Variants in SVIL observed in about 807,000 individuals in gnomAD.
SVIL encodes the protein supervillin, also known as archvillin.
In SVIL, 101 loss-of-function variants were observed where a neutral mutation model predicts 240.4. The ratio of observed to expected loss-of-function variants is 0.42; its 90% confidence interval spans 0.36 to 0.50. SVIL has a LOEUF of 0.50. Ranked by LOEUF, SVIL falls within the 20% of genes least tolerant of loss-of-function variation. The probability of loss-of-function intolerance (pLI) is 0.01; values close to 1 mark genes in which losing one functional copy is unlikely to be tolerated. For missense variants in SVIL, 2,512 were observed against 2,818.7 expected (o/e 0.89, Z 2.46); for synonymous variants, 999 against 1,100.0 (o/e 0.91, Z 1.82).
At chr10:29,617,189 T>C (rs563582598) in intron 1 of SVIL, among the ~76,000 whole-genome samples, 2 of 152,342 alleles carry the variant, frequency 1.3e-5, no homozygotes, top group East Asian at 3.9e-4. Flanking sequence ...GAAAGGTATA[T>C]AAGCTCCCAA....
intron 3 of SVIL, among the ~76,000 whole-genome samples, chr10:29,643,643 C>T (rs1433212541): frequency 3.9e-5 from 6 of 152,156 alleles, no homozygotes; most frequent in African/African-American, 2.4e-5. Flanking sequence ...CCACCCCTGC[C>T]GGAAATCTGA....
intron 1 of SVIL, among the ~76,000 whole-genome samples, chr10:29,596,917 C>G (rs1296465157): frequency 6.6e-6 from 1 of 152,234 alleles, no homozygotes; most frequent in Non-Finnish European, 1.5e-5. Context: ...TAAGTGTATG[C>G]TGTCTCCATT....
At chr10:29,707,397 A>G (rs1962966320) in intron 1 of SVIL, among the ~76,000 whole-genome samples, 2 of 152,134 alleles carry the variant, frequency 1.3e-5, no homozygotes, top group Admixed American at 6.6e-5. Flanking sequence ...TTGTCTTTGT[A>G]GCAATTGTGA....
intron 6 of SVIL, among the ~76,000 whole-genome samples, chr10:29,545,476 G>C (rs1295001752): frequency 1.3e-5 from 2 of 152,162 alleles, no homozygotes; most frequent in African/African-American, 4.8e-5. Flanking sequence ...ATTTGCTAAA[G>C]AGAAAAGAGT....
At chr10:29,526,923 T>C (rs1289531437) in intron 13 of SVIL, 38 bp downstream of exon 13, 3 of 1,478,044 alleles carry the variant, frequency 2.0e-6, no homozygotes, top group Non-Finnish European at 2.7e-6. Flanking sequence ...TCGGCACCTT[T>C]GCACCGGGTG....
upstream of SVIL, among the ~76,000 whole-genome samples, chr10:29,638,459 T>C (rs1463339585): frequency 2.7e-5 from 4 of 150,552 alleles, no homozygotes; most frequent in Non-Finnish European, 5.9e-5. Context: ...AGGGTGAAAC[T>C]CTGTCTCAAA....
At chr10:29,723,059 A>C (rs1343166) in intron 1 of SVIL, among the ~76,000 whole-genome samples, 1 of 152,234 alleles carries the variant, frequency 6.6e-6, no homozygotes, top group African/African-American at 2.4e-5. Flanking sequence ...ACTGCCCTGT[A>C]CATAAAAGTC....
intron 6 of SVIL, among the ~76,000 whole-genome samples, chr10:29,539,062 G>A (rs1951946042): frequency 6.6e-6 from 1 of 152,100 alleles, no homozygotes; most frequent in South Asian, 2.1e-4. Flanking sequence ...CTACTCAGGA[G>A]GCTGAGGCAG....
intron 16 of SVIL, among the ~76,000 whole-genome samples, chr10:29,516,056 C>A (rs1316026038): frequency 1.3e-5 from 2 of 152,204 alleles, no homozygotes; most frequent in Non-Finnish European, 2.9e-5. Flanking sequence ...CTGCAGCCCT[C>A]GCCTGCCTGT....
At chr10:29,611,700 G>C (rs1277434751) in intron 1 of SVIL, among the ~76,000 whole-genome samples, 1 of 152,186 alleles carries the variant, frequency 6.6e-6, no homozygotes, top group African/African-American at 2.4e-5. Context: ...CAGCTCTGCA[G>C]AATCGTGCAG....
intron 16 of SVIL, among the ~76,000 whole-genome samples, chr10:29,517,606 G>A (rs1336816419): frequency 1.3e-5 from 2 of 152,186 alleles, no homozygotes; most frequent in African/African-American, 2.4e-5. Flanking sequence ...GTGGGATACC[G>A]AAGGGTGGAT....
intron 32 of SVIL, among the ~76,000 whole-genome samples, chr10:29,468,422 G>A (rs1023656213): frequency 2.7e-5 from 4 of 150,600 alleles, no homozygotes; most frequent in Non-Finnish European, 5.9e-5. Flanking sequence ...GAACCTTCAT[G>A]TACAAGTGTT....
chr10:29,615,024 A>G (rs1433421342), intron 1 of SVIL, among the ~76,000 whole-genome samples: 1 of 152,202 alleles, frequency 6.6e-6, no homozygotes, highest in East Asian at 1.9e-4. Flanking sequence ...GCAGAAGTTA[A>G]GTTATCCCCC....
Position 29,533,216 on chromosome 10 carries a change from G to A in SVIL, c.1151C>T (p.Thr384Ile), listed in dbSNP as rs751585667. Residue 384 changes from threonine to isoleucine, a missense_variant, in exon 8 of 38, where the codon ACC becomes ATC. Physicochemically the swap from Thr to Ile is moderately conservative, Grantham distance 89. This residue lies in a region of SVIL where 1,443 missense variants were observed against 1,486.6 expected (regional missense o/e 0.97). Coordinates refer to ENST00000355867, the MANE Select transcript of SVIL (RefSeq NM_021738.3). ...GCTACACTCAGATGCATTTTCTGGG[G>A]TTTCTGGCGTCACTAGCTTGGCGGT... ...GHTAKLVTPE[T>I]PENASECSWV... The A allele has an allele frequency of 1.9e-6, 3 of 1,614,138 alleles. No homozygotes were observed. Among genetic ancestry groups the A allele is most frequent in the Non-Finnish European group, 8.5e-7 (1 of 1,180,024 alleles).
chr10:29,529,784 C>G lies in SVIL; in HGVS notation c.2167G>C (p.Val723Leu), dbSNP rs1484302393. The G allele has an allele frequency of 1.9e-6, 3 of 1,613,792 alleles. No individual in the cohort carries two copies. In the Admixed American group the frequency reaches 5.0e-5, roughly 27 times the overall value. ...TGCAGACGGCGTAGCCTCTGCTCCA[C>G]AGCTGTGTTTCTTGAGCGTCGCTTT... ...VPKRRSRNTA[V>L]EQRLRRLQDR... Residue 723 changes from valine to leucine, a missense_variant, in exon 12 of 38, where the codon GTG (valine) becomes CTG (leucine). Val to Leu is a conservative substitution (Grantham distance 32). Coordinates refer to ENST00000355867, the MANE Select transcript of SVIL (RefSeq NM_021738.3).
intron 1 of SVIL, among the ~76,000 whole-genome samples, chr10:29,702,564 A>G (rs1481546916): frequency 6.6e-6 from 1 of 152,220 alleles, no homozygotes; most frequent in East Asian, 1.9e-4. Context: ...GAGGTTTATC[A>G]GATGTAGAAA....
rs143195116 is a variant in SVIL at position 29,514,719 on chromosome 10, A to T, written c.3390-1858T>A. ...TAAGCAGAACATCAGCTTTGGTCCC[A>T]ATTTGGCTACTCCCTTTGGGTATCT... On this transcript the variant is annotated intron_variant, in intron 16 of 37. Coordinates refer to ENST00000355867, the MANE Select transcript of SVIL (RefSeq NM_021738.3). Among the ~76,000 whole-genome samples the T allele has an allele frequency of 5.3e-5, 8 of 152,144 alleles. No homozygotes were observed. In the East Asian group the frequency reaches 1.4e-3, roughly 26 times the overall value.
Position 29,458,145 on chromosome 10 carries a change from A to G in SVIL, c.*102T>C. 8.6e-7 allele frequency: 1 copy of G among 1,167,038 alleles called. No homozygotes were observed. Among genetic ancestry groups the G allele is most frequent in the South Asian group, 1.5e-5 (1 of 67,126 alleles). 72.3% of individuals were successfully genotyped at this position (1,167,038 alleles called of 1,614,324 possible). A position where few individuals can be genotyped will look rare whatever the true frequency, so the allele number is the denominator to read the frequency against. ...GTCAGGTTCTGAAAACTCTGATTGA[A>G]AAATACTTTGTGAAAAACACCAGTC... On this transcript the variant is annotated 3_prime_UTR_variant, in exon 38 of 38. Coordinates refer to ENST00000355867, the MANE Select transcript of SVIL (RefSeq NM_021738.3).
chr10:29,704,622 T>G (rs1404249644), intron 1 of SVIL, among the ~76,000 whole-genome samples: 7 of 152,196 alleles, frequency 4.6e-5, no homozygotes, highest in Admixed American at 1.3e-4. Context: ...TGCTTAAAAT[T>G]TAATTTCTCA....
Sources: gnomAD v4.1 joint callset for allele counts (sites outside exome capture counted in the v4.1 genomes callset) on GRCh38, gnomAD v4.1.1 for gene constraint, gnomAD v4.1.1 regional missense constraint, MANE v1.5 for transcripts, NCBI Gene and HGNC (gene_info 2026-07-23, HGNC 2026-07-21) for gene names.